The following ME3 variants were observed in gnomAD, a reference collection of about 807,000 sequenced individuals.
The protein encoded by ME3 is NADP-dependent malic enzyme, mitochondrial.
ME3 carries 48 observed loss-of-function variants against 68.9 expected under a neutral mutation model. That is an observed-to-expected ratio of 0.70 (90% confidence interval 0.55 to 0.89). The LOEUF is 0.89. Ranked by LOEUF, ME3 falls within the 40% of genes least tolerant of loss-of-function variation. ME3 has a pLI of 0.00. For missense variants in ME3, 675 were observed against 797.4 expected, an observed-to-expected ratio of 0.85 and a Z score of 1.85; for synonymous variants, 320 against 318.8, an observed-to-expected ratio of 1.00 and a Z score of -0.04.
chr11:86,632,310 G>A lies in ME3; in HGVS notation c.183+39452C>T, dbSNP rs568363128. Among the ~76,000 whole-genome samples, 345 of 152,206 alleles carry A rather than the reference G, an allele frequency of 2.3e-3. 2 individuals carry two copies. Among genetic ancestry groups the A allele is most frequent in the African/African-American group, 8.1e-3 (337 of 41,540 alleles). ...GAAGTAGTGGGGAACTGCCTGATCC[G>A]AGAGCCTAAATAGGGGAGTGAAGAA... On this transcript the variant is annotated intron_variant, in intron 2 of 14. Transcript: ENST00000543262.
At chr11:86,613,535 A>G (rs1299459496) in intron 2 of ME3, among the ~76,000 whole-genome samples, 1 of 152,158 alleles carries the variant, frequency 6.6e-6, no homozygotes, top group African/African-American at 2.4e-5. Flanking sequence ...AATTGTCTCT[A>G]TCTGCAGATG....
chr11:86,473,066 G>T (rs1231785533), intron 7 of ME3, among the ~76,000 whole-genome samples: 2 of 152,228 alleles, frequency 1.3e-5, no homozygotes, highest in African/African-American at 4.8e-5. Flanking sequence ...TTGGGTGAGG[G>T]TTCTCAGGCA....
intron 2 of ME3, among the ~76,000 whole-genome samples, chr11:86,606,115 A>C (rs1183492498): frequency 2.0e-5 from 3 of 152,180 alleles, no homozygotes; most frequent in African/African-American, 7.2e-5. Flanking sequence ...AGCTTACTTG[A>C]GAATAACAAC....
At chr11:86,664,013 G>C (rs1321380167) in intron 2 of ME3, among the ~76,000 whole-genome samples, 1 of 152,190 alleles carries the variant, frequency 6.6e-6, no homozygotes, top group Non-Finnish European at 1.5e-5. Context: ...TTAACATTTT[G>C]TTATTACTTT....
At chr11:86,450,555 A>G (rs1003723210) in intron 8 of ME3, among the ~76,000 whole-genome samples, 157 bp from the exon 9 acceptor site, 2 of 152,238 alleles carry the variant, frequency 1.3e-5, no homozygotes, top group Non-Finnish European at 2.9e-5. Context: ...GTGCAAATCC[A>G]TGCTCTCTTT....
At chr11:86,613,858 A>G (rs1453119274) in intron 2 of ME3, among the ~76,000 whole-genome samples, 1 of 152,212 alleles carries the variant, frequency 6.6e-6, no homozygotes, top group East Asian at 1.9e-4. Flanking sequence ...CCTCATGGGT[A>G]GGAAGAATCA....
intron 2 of ME3, among the ~76,000 whole-genome samples, chr11:86,583,680 G>T (rs1958570980): frequency 6.6e-6 from 1 of 152,144 alleles, no homozygotes; most frequent in Non-Finnish European, 1.5e-5. Context: ...GTGATTAGAA[G>T]AGACTTCCCT....
intron 2 of ME3, among the ~76,000 whole-genome samples, chr11:86,571,148 G>C (rs1252075425): frequency 6.6e-6 from 1 of 152,200 alleles, no homozygotes; most frequent in East Asian, 1.9e-4. Context: ...TTCCCTGCAA[G>C]ATGATAAGTT....
intron 4 of ME3, among the ~76,000 whole-genome samples, chr11:86,526,849 A>G (rs2139231720): frequency 6.6e-6 from 1 of 152,322 alleles, no homozygotes; most frequent in South Asian, 2.1e-4. Context: ...GGACATCCAC[A>G]CCAAACCCCA....
intron 2 of ME3, among the ~76,000 whole-genome samples, chr11:86,624,781 C>A (rs78517313): frequency 6.6e-6 from 1 of 152,104 alleles, no homozygotes; most frequent in African/African-American, 2.4e-5. Context: ...CATCAGATAG[C>A]GGGAGAGAAA....
intron 2 of ME3, among the ~76,000 whole-genome samples, chr11:86,601,473 C>T (rs1331651197): frequency 2.6e-5 from 4 of 151,960 alleles, no homozygotes; most frequent in South Asian, 2.1e-4. Context: ...AGCTCACCAA[C>T]CAAAAAGAGT....
At chr11:86,618,417 A>G (rs886477096) in intron 2 of ME3, among the ~76,000 whole-genome samples, 5 of 151,674 alleles carry the variant, frequency 3.3e-5, no homozygotes, top group Non-Finnish European at 5.9e-5. Context: ...AAAAATTCTT[A>G]TAGAGCTAAT....
chr11:86,482,345 C>G (rs1308317905), intron 7 of ME3, among the ~76,000 whole-genome samples: 2 of 152,112 alleles, frequency 1.3e-5, no homozygotes, highest in Admixed American at 6.6e-5. Flanking sequence ...CTCACTATGC[C>G]TGGCTCAGTG....
At position 86,653,566 on chromosome 11, in the gene ME3, T is replaced by C. The variant is rs1945629429; in HGVS notation, c.183+18196A>G. Among the ~76,000 whole-genome samples, 3 of 152,170 alleles carry C rather than the reference T, an allele frequency of 2.0e-5. No individual in the cohort carries two copies. In the South Asian group the frequency reaches 6.2e-4, roughly 31 times the overall value. ...AACCAATGAGAACAAAGACACAACA[T>C]ACCAGAATCTCTGGGACACATTCAA... On this transcript the variant is annotated intron_variant, in intron 2 of 14. Transcript: ENST00000543262.
chr11:86,571,485 T>A (rs1001205492), intron 2 of ME3, among the ~76,000 whole-genome samples: 1 of 152,248 alleles, frequency 6.6e-6, no homozygotes, highest in African/African-American at 2.4e-5. Context: ...CGCTGTCCAA[T>A]GTGGTAGCCA....
rs572027227 is a variant in ME3 at position 86,618,452 on chromosome 11, T to C, written c.183+53310A>G. 2.6e-5 allele frequency among the ~76,000 whole-genome samples: 4 copies of C among 152,262 alleles called. No individual in the cohort carries two copies. In the East Asian group the frequency reaches 7.7e-4, roughly 29 times the overall value. Reference sequence around the variant, plus strand: ...TACAAGGATTAAATGAGATAATGTCTGTGAAAAACGCCTTCCACAGAGGTC... The same window carrying C: ...TACAAGGATTAAATGAGATAATGTCCGTGAAAAACGCCTTCCACAGAGGTC... On this transcript the variant is annotated intron_variant, in intron 2 of 14. Coordinates refer to ENST00000543262, the Ensembl canonical transcript of ME3.
chr11:86,513,541 C>A (rs371052378), intron 4 of ME3, among the ~76,000 whole-genome samples: 1 of 152,152 alleles, frequency 6.6e-6, no homozygotes, highest in Non-Finnish European at 1.5e-5. Flanking sequence ...ATCCTGAGTC[C>A]GATGCACTTT....
intron 4 of ME3, among the ~76,000 whole-genome samples, chr11:86,542,563 A>C (rs1365391325): frequency 6.6e-6 from 1 of 152,246 alleles, no homozygotes; most frequent in Non-Finnish European, 1.5e-5. Flanking sequence ...CAAAGATGGA[A>C]GATCAACTTA....
At chr11:86,452,496 A>G (rs913165629) in intron 8 of ME3, among the ~76,000 whole-genome samples, 1 of 152,192 alleles carries the variant, frequency 6.6e-6, no homozygotes, top group African/African-American at 2.4e-5. Context: ...GAGGATTCAG[A>G]TCCTTCAGAA....
Sources: gnomAD v4.1 joint callset for allele counts (sites outside exome capture counted in the v4.1 genomes callset) on GRCh38, gnomAD v4.1.1 for gene constraint, MANE v1.5 for transcripts, NCBI Gene and HGNC (gene_info 2026-07-23, HGNC 2026-07-21) for gene names.